The following PTPRG variants were observed in gnomAD, a reference collection of about 807,000 sequenced individuals.
PTPRG encodes receptor-type tyrosine-protein phosphatase gamma.
A neutral mutation model predicts 165.3 loss-of-function variants in PTPRG; 102 were observed. The observed-to-expected ratio is 0.62, with a 90% CI of 0.53 to 0.73. PTPRG has a LOEUF of 0.73. PTPRG is among the 30% of genes least tolerant of loss of function. The pLI, the probability that PTPRG is intolerant of heterozygous loss-of-function variation, is 0.00. For missense variants in PTPRG, 1,866 were observed against 1,861.4 expected, an observed-to-expected ratio of 1.00 and a Z score of -0.05; for synonymous variants, 675 against 669.5, an observed-to-expected ratio of 1.01 and a Z score of -0.13.
chr3:62,260,144 C>G (rs1400225871), intron 16 of PTPRG, among the ~76,000 whole-genome samples: 1 of 152,166 alleles, frequency 6.6e-6, no homozygotes, highest in Non-Finnish European at 1.5e-5. Flanking sequence ...CTACCATGAC[C>G]TAAACCCATC....
Position 62,135,008 on chromosome 3 carries a change from C to A in PTPRG, c.682+2340C>A, listed in dbSNP as rs187240125. Among the ~76,000 whole-genome samples the A allele has an allele frequency of 1.1e-4, 16 of 152,260 alleles. No individual in the cohort carries two copies. In the East Asian group the frequency reaches 2.9e-3, roughly 28 times the overall value. On this transcript the variant is annotated intron_variant, in intron 6 of 29. Transcript: ENST00000474889. ...TTGTTGGAGGCCAGGGGCAGTGGCT[C>A]ATGCCTATAATCCCAGAACTTTGGG...
intron 2 of PTPRG, among the ~76,000 whole-genome samples, chr3:61,869,996 C>T (rs1314355697): frequency 6.6e-6 from 1 of 152,074 alleles, no homozygotes; most frequent in Non-Finnish European, 1.5e-5. Flanking sequence ...CATCACCCTA[C>T]GTCCCCTCCC....
intron 2 of PTPRG, among the ~76,000 whole-genome samples, chr3:61,811,349 A>G (rs2035569652): frequency 1.3e-5 from 2 of 152,358 alleles, no homozygotes; most frequent in African/African-American, 4.8e-5. Flanking sequence ...CCCAAACACC[A>G]GTGAGCAAGA....
chr3:61,726,848 C>A (rs2032279472), intron 1 of PTPRG, among the ~76,000 whole-genome samples: 1 of 152,108 alleles, frequency 6.6e-6, no homozygotes, highest in South Asian at 2.1e-4. Flanking sequence ...GAGATCCAGA[C>A]CATCCTGGCT....
intron 1 of PTPRG, among the ~76,000 whole-genome samples, chr3:61,643,781 AG>A (rs2106959859): frequency 6.6e-6 from 1 of 152,174 alleles, no homozygotes; most frequent in Non-Finnish European, 1.5e-5. Context: ...AAAACAAAAA[AG>A]CACCCACTGT....
chr3:62,069,911 G>C (rs1167670176), intron 4 of PTPRG, among the ~76,000 whole-genome samples: 1 of 152,098 alleles, frequency 6.6e-6, no homozygotes, highest in Non-Finnish European at 1.5e-5. Flanking sequence ...CCACATTATA[G>C]AGGGTAATCA....
chr3:61,716,847 G>A (rs772919757), intron 1 of PTPRG, among the ~76,000 whole-genome samples: 5 of 152,044 alleles, frequency 3.3e-5, no homozygotes, highest in Non-Finnish European at 7.3e-5. Flanking sequence ...TGGCAGGCAC[G>A]CGTAATCCCA....
At chr3:62,099,580 A>G (rs1702219693) in intron 5 of PTPRG, among the ~76,000 whole-genome samples, 1 of 152,120 alleles carries the variant, frequency 6.6e-6, no homozygotes, top group Admixed American at 6.5e-5. Context: ...TGGAAAAAAA[A>G]AGAAAAAACT....
chr3:61,919,682 T>G lies in PTPRG; in HGVS notation c.191-69943T>G, dbSNP rs187026825. 3.4e-3 allele frequency among the ~76,000 whole-genome samples: 512 copies of G among 152,250 alleles called. 2 individuals are homozygous for G. The highest frequency in any genetic ancestry group is 0.011 in the African/African-American group (471 of 41,558). ...TCTCGTCATGGGGAGGGTTTTCTGTTTCATGTACCTCCTCTAAAGGAAGAT... is the reference window on the plus strand; with the variant it reads ...TCTCGTCATGGGGAGGGTTTTCTGTGTCATGTACCTCCTCTAAAGGAAGAT... On this transcript the variant is annotated intron_variant, in intron 2 of 29. Transcript: ENST00000474889.
intron 4 of PTPRG, among the ~76,000 whole-genome samples, chr3:62,039,417 A>G (rs1373097712): frequency 6.7e-6 from 1 of 150,296 alleles, no homozygotes; most frequent in East Asian, 1.9e-4. Flanking sequence ...AACAGGGGGA[A>G]AAAATATCTT....
chr3:61,616,594 C>G (rs1038964610), intron 1 of PTPRG, among the ~76,000 whole-genome samples: 1 of 152,170 alleles, frequency 6.6e-6, no homozygotes, highest in African/African-American at 2.4e-5. Context: ...AAGCCCTTCT[C>G]CCTGCCATAT....
At chr3:62,285,554 G>GTGGATGACATTTCTAGATAA (rs1702618025) in intron 28 of PTPRG, among the ~76,000 whole-genome samples, 1 of 151,002 alleles carries the variant, frequency 6.6e-6, no homozygotes, top group African/African-American at 2.4e-5. Flanking sequence ...TGTGTCCCAG[G>GTGGATGACATTTCTAGATAA]TGGATGACAT....
intron 2 of PTPRG, among the ~76,000 whole-genome samples, chr3:61,775,865 G>A (rs192239143): frequency 9.5e-5 from 14 of 147,534 alleles, no homozygotes; most frequent in African/African-American, 3.5e-4. Context: ...CTTATAGGTG[G>A]GAATTGAACA....
intron 5 of PTPRG, among the ~76,000 whole-genome samples, chr3:62,116,747 T>C (rs1407356135): frequency 6.6e-6 from 1 of 152,226 alleles, no homozygotes; most frequent in Non-Finnish European, 1.5e-5. Context: ...TACTGGTTTA[T>C]GTTACACCTC....
chr3:61,739,905 T>G (rs551738119), intron 1 of PTPRG, among the ~76,000 whole-genome samples: 40 of 152,332 alleles, frequency 2.6e-4, no homozygotes, highest in African/African-American at 9.1e-4. Flanking sequence ...TTTGGGAACA[T>G]GACCCAGCTC....
Position 61,758,039 on chromosome 3 carries a change from A to G in PTPRG, c.190+9057A>G, listed in dbSNP as rs566684964. ...TCTTTCATTACATCTGATTTGATTC[A>G]TAAAGCCCACCCACTTCTTTTTTCT... On this transcript the variant is annotated intron_variant, in intron 2 of 29. Coordinates refer to ENST00000474889, the MANE Select transcript of PTPRG (RefSeq NM_002841.4). Among the ~76,000 whole-genome samples the G allele has an allele frequency of 4.2e-3, 643 of 152,310 alleles. 1 individual carries two copies. The highest frequency in any genetic ancestry group is 7.0e-3 in the Non-Finnish European group (478 of 68,024).
At chr3:61,667,014 T>C (rs1702828981) in intron 1 of PTPRG, among the ~76,000 whole-genome samples, 1 of 152,194 alleles carries the variant, frequency 6.6e-6, no homozygotes, top group Non-Finnish European at 1.5e-5. Flanking sequence ...CCCAATTCAT[T>C]TGAATTAATA....
rs140506436 is a variant in PTPRG at position 61,887,202 on chromosome 3, G to A, written c.191-102423G>A. ...ATGCCATCATCAAACACTCATTTCA[G>A]CCTGGTAAGACAATTTCAGCCCTTG... On this transcript the variant is annotated intron_variant, in intron 2 of 29. Coordinates refer to ENST00000474889, the MANE Select transcript of PTPRG (RefSeq NM_002841.4). Among the ~76,000 whole-genome samples the A allele has an allele frequency of 3.1e-3, 406 of 132,714 alleles. 5 individuals are homozygous for A. The highest frequency in any genetic ancestry group is 0.01 in the African/African-American group (361 of 35,216). 87.1% of individuals were successfully genotyped at this position (132,714 alleles called of 152,430 possible).
chr3:61,845,985 G>A (rs1327348828), intron 2 of PTPRG, among the ~76,000 whole-genome samples: 1 of 152,160 alleles, frequency 6.6e-6, no homozygotes, highest in Non-Finnish European at 1.5e-5. Context: ...TCCCAGTTTG[G>A]GATGTGAATT....
Sources: gnomAD v4.1 joint callset for allele counts (sites outside exome capture counted in the v4.1 genomes callset) on GRCh38, gnomAD v4.1.1 for gene constraint, MANE v1.5 for transcripts, NCBI Gene and HGNC (gene_info 2026-07-23, HGNC 2026-07-21) for gene names.